The following PCDH7 variants were observed in gnomAD, a reference collection of about 807,000 sequenced individuals.
The protein encoded by PCDH7 is protocadherin 7.
A neutral mutation model predicts 58.9 loss-of-function variants in PCDH7; 17 were observed. The ratio of observed to expected loss-of-function variants is 0.29; its 90% CI spans 0.20 to 0.43. PCDH7 has a LOEUF of 0.43. PCDH7 is among the 20% of genes least tolerant of loss of function. PCDH7 has a pLI of 1.00. For missense variants in PCDH7, 1,274 were observed against 1,441.0 expected, an observed-to-expected ratio of 0.88 and a Z score of 1.88; for synonymous variants, 664 against 616.4, an observed-to-expected ratio of 1.08 and a Z score of -1.14.
chr4:31,018,545 G>A (rs550219961), intron 3 of PCDH7, among the ~76,000 whole-genome samples: 3 of 152,200 alleles, frequency 2.0e-5, no homozygotes, highest in Admixed American at 2.0e-4. Context: ...CAAAATAAAA[G>A]CAAAGCCTTG....
chr4:30,912,414 A>G (rs1741896861), intron 1 of PCDH7, among the ~76,000 whole-genome samples: 1 of 152,162 alleles, frequency 6.6e-6, no homozygotes, highest in African/African-American at 2.4e-5. Context: ...TCCTTATAAT[A>G]ATGCAATGTT....
In PCDH7 at chr4:31,033,509, C is replaced by T. The variant is rs188003033; in HGVS notation, c.*7+83294C>T. ...CAGAATTTGCTTCAACATGCTAACT[C>T]CAATTGCGTCATGTTATACAACTGG... On this transcript the variant is annotated intron_variant, in intron 3 of 3. Transcript: ENST00000509759. Among the ~76,000 whole-genome samples, 367 of 152,268 alleles carry T rather than the reference C, an allele frequency of 2.4e-3. 2 individuals are homozygous for T. Among genetic ancestry groups the T allele is most frequent in the African/African-American group, 8.5e-3 (355 of 41,550 alleles).
chr4:30,847,557 T>G (rs1050004387), intron 1 of PCDH7, among the ~76,000 whole-genome samples: 1 of 152,202 alleles, frequency 6.6e-6, no homozygotes, highest in African/African-American at 2.4e-5. Flanking sequence ...ACAGTTAAAT[T>G]ATTACTTCTT....
intron 1 of PCDH7, among the ~76,000 whole-genome samples, chr4:30,750,704 T>C (rs2109257786): frequency 6.6e-6 from 1 of 152,216 alleles, no homozygotes; most frequent in African/African-American, 2.4e-5. Context: ...ACTTACCAAG[T>C]TACTGAGAAC....
chr4:31,024,876 G>A (rs1301820660), intron 3 of PCDH7, among the ~76,000 whole-genome samples: 8 of 152,052 alleles, frequency 5.3e-5, no homozygotes, highest in Admixed American at 5.2e-4. Flanking sequence ...TGGAGTATCT[G>A]GGACTACAGG....
intron 3 of PCDH7, among the ~76,000 whole-genome samples, chr4:31,100,261 CG>C (rs924505199): frequency 3.9e-5 from 6 of 152,018 alleles, no homozygotes; most frequent in Admixed American, 6.6e-5. Flanking sequence ...ATGGAGATAT[CG>C]GGGGGATCAG....
chr4:30,832,805 A>G (rs1729970337), intron 1 of PCDH7, among the ~76,000 whole-genome samples: 1 of 152,186 alleles, frequency 6.6e-6, no homozygotes, highest in African/African-American at 2.4e-5. Flanking sequence ...GTCCCTGTCT[A>G]GTGAGTAAGA....
chr4:30,814,010 A>G (rs1194704060), intron 1 of PCDH7, among the ~76,000 whole-genome samples: 1 of 152,138 alleles, frequency 6.6e-6, no homozygotes. Flanking sequence ...CTGTGACCGA[A>G]GCTATGAAAT....
intron 1 of PCDH7, among the ~76,000 whole-genome samples, chr4:30,859,562 C>T (rs1386808334): frequency 2.0e-5 from 3 of 151,994 alleles, no homozygotes; most frequent in Non-Finnish European, 1.5e-5. Flanking sequence ...GCCTCAGCCT[C>T]CCGAGTAGCT....
chr4:31,059,176 G>A (rs940428901), intron 3 of PCDH7, among the ~76,000 whole-genome samples: 4 of 151,840 alleles, frequency 2.6e-5, no homozygotes, highest in African/African-American at 7.2e-5. Context: ...TTTTTGAAGT[G>A]TATATTTATA....
At chr4:30,988,363 G>A (rs763498720) in intron 3 of PCDH7, among the ~76,000 whole-genome samples, 5 of 152,132 alleles carry the variant, frequency 3.3e-5, no homozygotes, top group Non-Finnish European at 5.9e-5. Flanking sequence ...TAGATGGGTA[G>A]ACAGAATAGT....
chr4:31,011,339 A>G (rs140233718), intron 3 of PCDH7, among the ~76,000 whole-genome samples: 1 of 152,056 alleles, frequency 6.6e-6, no homozygotes, highest in Non-Finnish European at 1.5e-5. Flanking sequence ...AAATACGGTC[A>G]CTATTCTTGG....
At chr4:30,918,057 C>T (rs2109412521) in intron 1 of PCDH7, among the ~76,000 whole-genome samples, 1 of 152,206 alleles carries the variant, frequency 6.6e-6, no homozygotes, top group South Asian at 2.1e-4. Flanking sequence ...ATTTGAAAGT[C>T]ATTAAAATAG....
intron 1 of PCDH7, among the ~76,000 whole-genome samples, chr4:30,888,374 C>T (rs967178124): frequency 5.3e-5 from 8 of 152,076 alleles, no homozygotes; most frequent in African/African-American, 7.2e-5. Flanking sequence ...AAGTAATCAA[C>T]AATATCCAAA....
chr4:31,094,288 C>G (rs1713654142), intron 3 of PCDH7, among the ~76,000 whole-genome samples: 1 of 151,864 alleles, frequency 6.6e-6, no homozygotes. Flanking sequence ...ATCTCTAGAA[C>G]AGAAACATTC....
At chr4:30,765,125 C>CCTTTTTTTTTT (rs1720563732) in intron 1 of PCDH7, among the ~76,000 whole-genome samples, 2 of 49,198 alleles carry the variant, frequency 4.1e-5, no homozygotes, top group Admixed American at 3.4e-4. Context: ...ACTTCAGATG[C>CCTTTTTTTTTT]TTTTTTTTTT....
At chr4:31,056,508 A>G (rs943717324) in intron 3 of PCDH7, among the ~76,000 whole-genome samples, 4 of 108,286 alleles carry the variant, frequency 3.7e-5, no homozygotes, top group Admixed American at 9.0e-5. Flanking sequence ...AAAGAAAGAA[A>G]GAAAGAAAGG....
At chr4:30,729,195 G>C (rs1380962413) in intron 1 of PCDH7, among the ~76,000 whole-genome samples, 1 of 151,772 alleles carries the variant, frequency 6.6e-6, no homozygotes, top group Admixed American at 6.6e-5. Context: ...GTAGTGTCCA[G>C]TATTCTTATT....
intron 3 of PCDH7, among the ~76,000 whole-genome samples, chr4:30,963,382 T>C (rs772577830): frequency 7.2e-5 from 11 of 152,178 alleles, no homozygotes; most frequent in Non-Finnish European, 1.2e-4. Context: ...CCCTAAATTA[T>C]GAAGTTTTCC....
Sources: gnomAD v4.1 joint callset for allele counts (sites outside exome capture counted in the v4.1 genomes callset) on GRCh38, gnomAD v4.1.1 for gene constraint, MANE v1.5 for transcripts, NCBI Gene and HGNC (gene_info 2026-07-23, HGNC 2026-07-21) for gene names.